The following NAA11 variants were observed in gnomAD, a reference collection of about 807,000 sequenced individuals.
NAA11 encodes N-alpha-acetyltransferase 11, NatA catalytic subunit.
In NAA11, 15 loss-of-function variants were observed where a neutral mutation model predicts 16.1. That is an observed-to-expected ratio of 0.93 (90% CI 0.62 to 1.44). The LOEUF (loss-of-function observed/expected upper bound fraction) is 1.44, where lower values mean the gene tolerates loss of function less well. Ranked by LOEUF, NAA11 falls within the 40% of genes most tolerant of loss-of-function variation. NAA11 has a pLI of 0.00. For missense variants in NAA11, 298 were observed against 291.3 expected (o/e 1.02, Z -0.17); for synonymous variants, 122 against 112.4 (o/e 1.09, Z -0.54).
At chr4:79,253,186 G>A (rs1447064046) in intron 2 of NAA11, among the ~76,000 whole-genome samples, 1 of 152,198 alleles carries the variant, frequency 6.6e-6, no homozygotes, top group Non-Finnish European at 1.5e-5. Context: ...CATTTGCCAA[G>A]ATGGTAAAGA....
chr4:79,287,932 ATTTTGGATT>A (rs1268038276), intron 2 of NAA11, among the ~76,000 whole-genome samples: 1 of 151,834 alleles, frequency 6.6e-6, no homozygotes, highest in East Asian at 1.9e-4. Flanking sequence ...TGAACTTTGG[ATTTTGGATT>A]TTATTTTATA....
At chr4:79,262,466 A>C (rs1183251729) in intron 2 of NAA11, among the ~76,000 whole-genome samples, 4 of 152,166 alleles carry the variant, frequency 2.6e-5, no homozygotes, top group Non-Finnish European at 4.4e-5. Context: ...TCTCACTTGC[A>C]GCTATGGGTG....
At chr4:79,193,606 C>G in the NAA11 span, among the ~76,000 whole-genome samples, 1 of 152,214 alleles carries the variant, frequency 6.6e-6, no homozygotes, top group Non-Finnish European at 1.5e-5. Flanking sequence ...GGTACCAGTA[C>G]CATGCTGTTT....
At chr4:79,280,126 C>G (rs1052484265) in intron 2 of NAA11, among the ~76,000 whole-genome samples, 2 of 152,130 alleles carry the variant, frequency 1.3e-5, no homozygotes, top group East Asian at 3.9e-4. Flanking sequence ...AATTAAAATG[C>G]GAGCAAGTAA....
chr4:79,294,822 TCTTA>T (rs1018242780), intron 1 of NAA11, among the ~76,000 whole-genome samples: 4 of 152,174 alleles, frequency 2.6e-5, no homozygotes, highest in African/African-American at 7.2e-5. Flanking sequence ...ATTTGTATAC[TCTTA>T]CTTATATTTT....
chr4:79,282,658 A>T (rs553480684), intron 2 of NAA11, among the ~76,000 whole-genome samples: 11 of 152,234 alleles, frequency 7.2e-5, no homozygotes, highest in African/African-American at 2.6e-4. Context: ...AAGTTTTGCA[A>T]ATCTCAGAAG....
At chr4:79,215,107 ATTATTTT>A in the NAA11 span, among the ~76,000 whole-genome samples, 1 of 152,222 alleles carries the variant, frequency 6.6e-6, no homozygotes, top group Non-Finnish European at 1.5e-5. Flanking sequence ...TCTTCTAAAA[ATTATTTT>A]TTAAGTGATA....
the NAA11 span, among the ~76,000 whole-genome samples, chr4:79,182,562 A>G: frequency 1.3e-5 from 2 of 152,194 alleles, no homozygotes; most frequent in Admixed American, 6.5e-5. Flanking sequence ...AGTGAAGATT[A>G]GGGAGGGAAG....
chr4:79,161,431 A>C, the NAA11 span, among the ~76,000 whole-genome samples: 1 of 152,212 alleles, frequency 6.6e-6, no homozygotes, highest in African/African-American at 2.4e-5. Context: ...ATAGCTTTGT[A>C]AGAAATTTTG....
At chr4:79,183,512 T>A in the NAA11 span, among the ~76,000 whole-genome samples, 1 of 152,152 alleles carries the variant, frequency 6.6e-6, no homozygotes. Context: ...TATTAACAAT[T>A]AACATTTTGG....
intron 1 of NAA11, among the ~76,000 whole-genome samples, chr4:79,295,055 A>G (rs1723178948): frequency 6.6e-6 from 1 of 152,230 alleles, no homozygotes; most frequent in Non-Finnish European, 1.5e-5. Flanking sequence ...AGTCTCAGAA[A>G]GAATATAGTA....
At chr4:79,245,076 GC>G (rs1465181263) in intron 2 of NAA11, 1 of 159,296 alleles carries the variant, frequency 6.3e-6, no homozygotes, top group Non-Finnish European at 1.4e-5. Context: ...GAGCATCTCT[GC>G]CTGGCCGCCT....
intron 2 of NAA11, among the ~76,000 whole-genome samples, chr4:79,241,517 A>G (rs189944706): frequency 2.2e-3 from 337 of 152,290 alleles, no homozygotes; most frequent in African/African-American, 3.8e-3. Flanking sequence ...TTTTGCATAT[A>G]TGCTTTTTGT....
At chr4:79,175,312 A>G in the NAA11 span, among the ~76,000 whole-genome samples, 1 of 152,150 alleles carries the variant, frequency 6.6e-6, no homozygotes, top group Non-Finnish European at 1.5e-5. Flanking sequence ...AAGTGTATGC[A>G]TCACAAAATA....
the NAA11 span, among the ~76,000 whole-genome samples, chr4:79,167,268 T>TAGAG: frequency 3.3e-3 from 379 of 115,878 alleles, 2 homozygotes; most frequent in Middle Eastern, 8.9e-3. Flanking sequence ...TATATATATA[T>TAGAG]ATAGAGAGAG....
At chr4:79,245,259 G>GC (rs1333714574) in intron 2 of NAA11, 1 of 159,438 alleles carries the variant, frequency 6.3e-6, no homozygotes, top group African/African-American at 2.4e-5. Context: ...GAAGTGAGGA[G>GC]CGCCTCTTCC....
chr4:79,245,752 C>T (rs1335890465), intron 2 of NAA11, among the ~76,000 whole-genome samples: 2 of 151,038 alleles, frequency 1.3e-5, no homozygotes, highest in Admixed American at 6.6e-5. Context: ...GGCAGCCACC[C>T]CCTCTGGGAG....
At chr4:79,183,988 C>A in the NAA11 span, among the ~76,000 whole-genome samples, 1 of 152,230 alleles carries the variant, frequency 6.6e-6, no homozygotes, top group South Asian at 2.1e-4. Context: ...TTGGAAGAAA[C>A]CAAAATGCTA....
At chr4:79,158,837 G>A in the NAA11 span, among the ~76,000 whole-genome samples, 4 of 151,646 alleles carry the variant, frequency 2.6e-5, no homozygotes, top group Admixed American at 6.6e-5. Flanking sequence ...GATCCTTGAC[G>A]AAGCAAACAA....
Sources: gnomAD v4.1 joint callset for allele counts (sites outside exome capture counted in the v4.1 genomes callset) on GRCh38, gnomAD v4.1.1 for gene constraint, MANE v1.5 for transcripts, NCBI Gene and HGNC (gene_info 2026-07-23, HGNC 2026-07-21) for gene names.